Variants in MYOM1 observed in about 807,000 individuals in gnomAD.
MYOM1 encodes myomesin-1.
In MYOM1, 164 loss-of-function variants were observed where a neutral mutation model predicts 205.3. The ratio of observed to expected loss-of-function variants is 0.80; its 90% confidence interval spans 0.70 to 0.91. The LOEUF (loss-of-function observed/expected upper bound fraction) is 0.91, where lower values mean the gene tolerates loss of function less well. Among genes scored for constraint, MYOM1 ranks in the 40% least tolerant of loss-of-function variants. The probability of loss-of-function intolerance (pLI) is 0.00; values close to 1 mark genes in which losing one functional copy is unlikely to be tolerated. For synonymous variants in MYOM1, 772 were observed against 789.4 expected (o/e 0.98, Z 0.37); for missense variants, 2,011 against 2,127.3 (o/e 0.95, Z 1.08).
chr18:3,102,556 G>A lies in MYOM1; in HGVS notation c.3493C>T (p.Pro1165Ser), dbSNP rs138392588. 2.1e-4 allele frequency: 339 copies of A among 1,613,810 alleles called. 1 individual carries two copies. In the East Asian group the frequency reaches 7.4e-3, roughly 35 times the overall value. The change falls in exon 23 of 38, where the codon CCA becomes TCA. Residue 1165 changes from proline to serine, a missense_variant. Physicochemically the swap from Pro to Ser is moderately conservative, Grantham distance 74. Coordinates refer to ENST00000356443, the MANE Select transcript of MYOM1 (RefSeq NM_003803.4). ...SLNFECDKMT[P>S]KSEFSWSKDY... ...TTGGACCAGGAGAACTCGGACTTTG[G>A]AGTCATCTTATCACACTCGAAGTTC...
intron 25 of MYOM1, among the ~76,000 whole-genome samples, chr18:3,099,900 C>T (rs1009978861): frequency 6.6e-6 from 1 of 152,178 alleles, no homozygotes; most frequent in African/African-American, 2.4e-5. Context: ...AGATGTTACA[C>T]CTGTGTAGCC....
chr18:3,183,224 C>T (rs1021340051), intron 5 of MYOM1, among the ~76,000 whole-genome samples: 2 of 152,176 alleles, frequency 1.3e-5, no homozygotes, highest in African/African-American at 4.8e-5. Context: ...CCACCACGCC[C>T]GGCCTGTAAC....
At chr18:3,230,468 C>T in the MYOM1 span, among the ~76,000 whole-genome samples, 1 of 152,220 alleles carries the variant, frequency 6.6e-6, no homozygotes, top group African/African-American at 2.4e-5. Flanking sequence ...CTGATTTGTC[C>T]CCTCTGGGAG....
rs777054316 is a variant in MYOM1 at position 3,131,421 on chromosome 18, A to T, written c.2460T>A (p.Ser820Arg). 1 of 1,613,932 alleles carries T rather than the reference A, an allele frequency of 6.2e-7. No individual in the cohort carries two copies. Among genetic ancestry groups the T allele is most frequent in the Admixed American group, 1.7e-5 (1 of 60,018 alleles). ...RVRAVNAAGL[S>R]EYSQDSEAIE... ...TAGCTTCTGAATCCTGGGAATATTC[A>T]CTAAGTCCAGCTGCATTGACTGCTC... The change falls in exon 17 of 38, where the codon AGT becomes AGA. Residue 820 changes from serine to arginine, a missense_variant. By Grantham distance (110) the Ser-to-Arg change is moderately radical. Coordinates refer to ENST00000356443, the MANE Select transcript of MYOM1 (RefSeq NM_003803.4).
chr18:3,103,123 T>C (rs1439194990), intron 22 of MYOM1, among the ~76,000 whole-genome samples: 2 of 151,982 alleles, frequency 1.3e-5, no homozygotes, highest in Admixed American at 6.5e-5. Context: ...CAAAAGGAAA[T>C]TGAATGGGAG....
chr18:3,072,739 A>T (rs1301030407), intron 36 of MYOM1, among the ~76,000 whole-genome samples: 5 of 151,962 alleles, frequency 3.3e-5, no homozygotes, highest in African/African-American at 1.2e-4. Context: ...TATCTAAAAT[A>T]CCAGTGTGTG....
chr18:3,089,361 G>C (rs967557836), intron 28 of MYOM1, 120 bp from the exon 29 acceptor site: 1 of 880,524 alleles, frequency 1.1e-6, no homozygotes, highest in Non-Finnish European at 1.7e-6. Context: ...TCTAGATTTA[G>C]CTTTTAAATA....
At position 3,129,393 on chromosome 18, in the gene MYOM1, T is replaced by C. The variant is rs1402682357; in HGVS notation, c.2633A>G (p.Lys878Arg). The C allele has an allele frequency of 1.2e-6, 2 of 1,613,848 alleles. No homozygotes were observed. The highest frequency in any genetic ancestry group is 1.7e-6 in the Non-Finnish European group (2 of 1,179,888). The change falls in exon 18 of 38, where the codon AAA becomes AGA. Residue 878 changes from lysine (K) to arginine (R), a missense_variant. By Grantham distance (26) the Lys-to-Arg change is conservative. Transcript: ENST00000356443. ...ACTGGGTAGTGAAGGTTTGTTAGGT[T>C]TGCTGCCAAGCAAAGCATCTTTCTG... is the stretch of plus-strand genomic sequence containing the variant. ...TFQKDALLGS[K>R]PNKPSLPSSS... is the part of the protein sequence containing the mutation.
Position 3,102,567 on chromosome 18 carries a change from T to C in MYOM1, c.3482A>G (p.Asp1161Gly), listed in dbSNP as rs199613840. 1.2e-6 allele frequency: 2 copies of C among 1,613,908 alleles called. No individual in the cohort carries two copies. Among genetic ancestry groups the C allele is most frequent in the Non-Finnish European group, 1.7e-6 (2 of 1,179,840 alleles). The part of the protein sequence containing the change: ...DGVISLNFEC[D>G]KMTPKSEFSW... ...GAACTCGGACTTTGGAGTCATCTTA[T>C]CACACTCGAAGTTCAATGAAATGAC... The change falls in exon 23 of 38, where the codon GAT becomes GGT. Residue 1161 changes from aspartate (D) to glycine (G), a missense_variant. Asp to Gly is a moderately conservative substitution (Grantham distance 94, BLOSUM62 -1). Transcript: ENST00000356443.
intron 2 of MYOM1, among the ~76,000 whole-genome samples, chr18:3,202,156 T>G (rs34773330): frequency 6.6e-6 from 1 of 152,160 alleles, no homozygotes; most frequent in African/African-American, 2.4e-5. Context: ...ATATGTATAT[T>G]GTAATTCCTA....
intron 20 of MYOM1, among the ~76,000 whole-genome samples, chr18:3,118,699 G>T (rs1346335438): frequency 1.3e-5 from 2 of 152,038 alleles, no homozygotes; most frequent in African/African-American, 2.4e-5. Context: ...GTCTCTAGTC[G>T]ATTGCATTTC....
chr18:3,152,785 C>T lies in MYOM1; in HGVS notation c.1644-892G>A, dbSNP rs375205128. Among the ~76,000 whole-genome samples the T allele has an allele frequency of 2.2e-4, 34 of 151,996 alleles. No homozygotes were observed. The highest frequency in any genetic ancestry group is 6.0e-4 in the African/African-American group (25 of 41,366). ...GTAATTCCCAAATGATTCTCAGGGG[C>T]GTGGGGGTTGCCAGTGGCAGGACAG... is the stretch of plus-strand genomic sequence containing the variant. On this transcript the variant is annotated intron_variant, in intron 11 of 37. Transcript: ENST00000356443. The surrounding 1 kb of genome is among the most constrained non-coding windows in gnomAD (Gnocchi z 4.3).
the MYOM1 span, among the ~76,000 whole-genome samples, chr18:3,230,702 G>C: frequency 6.6e-6 from 1 of 151,504 alleles, no homozygotes; most frequent in Non-Finnish European, 1.5e-5. Flanking sequence ...GTAACCAATG[G>C]GGAACTTCTA....
intron 2 of MYOM1, among the ~76,000 whole-genome samples, chr18:3,204,682 A>G (rs2081108789): frequency 6.6e-6 from 1 of 152,040 alleles, no homozygotes. Context: ...ATCCTAATCA[A>G]AATCCCAGTA....
the MYOM1 span, among the ~76,000 whole-genome samples, chr18:3,237,107 G>C: frequency 1.3e-4 from 20 of 152,150 alleles, no homozygotes; most frequent in African/African-American, 4.8e-4. Flanking sequence ...AGATTCAAGA[G>C]ATAATTGGTC....
chr18:3,146,334 C>T (rs2143961990), intron 13 of MYOM1, among the ~76,000 whole-genome samples: 1 of 152,136 alleles, frequency 6.6e-6, no homozygotes, highest in Non-Finnish European at 1.5e-5. Flanking sequence ...AATATAGACA[C>T]AAAAATTCCT....
At chr18:3,213,561 A>C (rs1394011665) in intron 2 of MYOM1, among the ~76,000 whole-genome samples, 1 of 152,240 alleles carries the variant, frequency 6.6e-6, no homozygotes, top group Non-Finnish European at 1.5e-5. Flanking sequence ...CCCAACATTC[A>C]TCAGGCTGAA....
chr18:3,222,204 TA>T (rs1179587447), upstream of MYOM1, among the ~76,000 whole-genome samples: 1 of 152,228 alleles, frequency 6.6e-6, no homozygotes, highest in Non-Finnish European at 1.5e-5. Context: ...GAATCATAAC[TA>T]AGTTACAATA....
rs557323311 is a variant in MYOM1, at chr18:3,191,656, A to C, written c.431+2162T>G. On this transcript the variant is annotated intron_variant, in intron 3 of 37. Coordinates refer to ENST00000356443, the MANE Select transcript of MYOM1 (RefSeq NM_003803.4). ...GACATCATATAAGATATAATGGAGA[A>C]CTAGAAATAAAGCCTAGAAGATCAA... 2.6e-5 allele frequency among the ~76,000 whole-genome samples: 4 copies of C among 152,212 alleles called. No individual in the cohort carries two copies. In the South Asian group the frequency reaches 8.3e-4, roughly 32 times the overall value.
Sources: allele counts gnomAD v4.1 joint callset (sites outside exome capture counted in the v4.1 genomes callset), GRCh38; gene constraint gnomAD v4.1.1; non-coding constraint Gnocchi (gnomAD v3.1); transcripts MANE v1.5; gene names NCBI Gene and HGNC (gene_info 2026-07-23, HGNC 2026-07-21).